Variants in THSD4 observed in about 807,000 individuals in gnomAD.
THSD4 encodes the protein thrombospondin type 1 domain containing 4, also known as thrombospondin type-1 domain-containing protein 4.
Under a neutral mutation model 119.0 loss-of-function variants are expected in THSD4, and 69 were observed. The observed-to-expected ratio is 0.58, with a 90% confidence interval of 0.48 to 0.71. The LOEUF is 0.71. Ranked by LOEUF, THSD4 falls within the 30% of genes least tolerant of loss-of-function variation. The pLI, the probability that THSD4 is intolerant of heterozygous loss-of-function variation, is 0.00. For synonymous variants in THSD4, 524 were observed against 540.4 expected (o/e 0.97, Z 0.42); for missense variants, 1,393 against 1,391.1 (o/e 1.00, Z -0.02).
intron 8 of THSD4, among the ~76,000 whole-genome samples, chr15:71,710,373 A>T (rs955924562): frequency 6.6e-6 from 1 of 152,236 alleles, no homozygotes; most frequent in Non-Finnish European, 1.5e-5. Flanking sequence ...TTATTTTCTT[A>T]CTCAGCCATC....
At chr15:71,616,930 G>A (rs1307946769) in intron 7 of THSD4, among the ~76,000 whole-genome samples, 1 of 152,198 alleles carries the variant, frequency 6.6e-6, no homozygotes, top group Admixed American at 6.5e-5. Flanking sequence ...CTGTTTTCTA[G>A]ATCAACTGCT....
intron 7 of THSD4, among the ~76,000 whole-genome samples, chr15:71,507,862 G>A (rs1054521971): frequency 2.6e-5 from 4 of 152,032 alleles, no homozygotes; most frequent in African/African-American, 9.7e-5. Flanking sequence ...AGCTCCAAGG[G>A]GTTCATTCTA....
At position 71,613,597 on chromosome 15, in the gene THSD4, A is replaced by G. The variant is rs762165680; in HGVS notation, c.1153-46933A>G. ...CCCTCTCATTTTCACAGCTTTCTAC[A>G]TCCACCCAAGCAAAACTAAACTGAC... On this transcript the variant is annotated intron_variant, in intron 7 of 17. Transcript: ENST00000261862. 1.1e-4 allele frequency among the ~76,000 whole-genome samples: 17 copies of G among 152,172 alleles called. 1 individual carries two copies. The highest frequency in any genetic ancestry group is 4.1e-4 in the South Asian group (2 of 4,820).
intron 6 of THSD4, among the ~76,000 whole-genome samples, chr15:71,314,749 G>T (rs559018430): frequency 6.6e-6 from 1 of 152,258 alleles, no homozygotes; most frequent in East Asian, 1.9e-4. Context: ...CTGTAGTGCA[G>T]GTTAGATATT....
chr15:71,180,334 G>A (rs190694259), intron 3 of THSD4, among the ~76,000 whole-genome samples: 1 of 152,118 alleles, frequency 6.6e-6, no homozygotes, highest in Admixed American at 6.5e-5. Flanking sequence ...AATGGGCAAA[G>A]GACTTGAATA....
intron 8 of THSD4, among the ~76,000 whole-genome samples, chr15:71,704,595 G>A (rs1050394377): frequency 2.6e-5 from 4 of 152,196 alleles, no homozygotes; most frequent in African/African-American, 9.7e-5. Flanking sequence ...TCTCAGGCAT[G>A]TCTTTATTAG....
Position 71,589,436 on chromosome 15 carries a change from T to TC in THSD4, c.1153-71092dup, listed in dbSNP as rs1007807058. 2.9e-5 allele frequency among the ~76,000 whole-genome samples: 4 copies of TC among 138,276 alleles called. 2 individuals are homozygous for TC. Among genetic ancestry groups the TC allele is most frequent in the African/African-American group, 1.0e-4 (4 of 39,630 alleles). 90.7% of individuals were successfully genotyped at this position (138,276 alleles called of 152,430 possible). A position where few individuals can be genotyped will look rare whatever the true frequency, so the allele number is the denominator to read the frequency against. Reference sequence around the variant, plus strand: ...AGGAGCACAATAATGGCTCACTGCATCCTTGCCCTCCTGGGTTCAAGGGAT... The same window carrying TC: ...AGGAGCACAATAATGGCTCACTGCATCCCTTGCCCTCCTGGGTTCAAGGGAT... On this transcript the variant is annotated intron_variant, in intron 7 of 17. Transcript: ENST00000261862.
intron 6 of THSD4, among the ~76,000 whole-genome samples, chr15:71,281,740 C>T (rs2044655758): frequency 6.6e-6 from 1 of 152,154 alleles, no homozygotes; most frequent in East Asian, 1.9e-4. Context: ...ATAATCTTTT[C>T]TCCATTTGAT....
chr15:71,364,500 G>A (rs1166620374), intron 6 of THSD4, among the ~76,000 whole-genome samples: 1 of 152,160 alleles, frequency 6.6e-6, no homozygotes, highest in African/African-American at 2.4e-5. Flanking sequence ...GTTCAAATGC[G>A]GAAAATGATA....
At chr15:71,344,757 G>A (rs1230093101) in intron 6 of THSD4, among the ~76,000 whole-genome samples, 1 of 152,196 alleles carries the variant, frequency 6.6e-6, no homozygotes, top group Non-Finnish European at 1.5e-5. Flanking sequence ...CATTCACAAA[G>A]ATTTCTTGTG....
At chr15:71,371,009 A>G (rs1218454718) in intron 6 of THSD4, among the ~76,000 whole-genome samples, 1 of 152,150 alleles carries the variant, frequency 6.6e-6, no homozygotes, top group Non-Finnish European at 1.5e-5. Flanking sequence ...CTTCTTGTTG[A>G]ATTGATCCCT....
At chr15:71,452,422 C>A (rs2047277881) in intron 7 of THSD4, among the ~76,000 whole-genome samples, 1 of 151,226 alleles carries the variant, frequency 6.6e-6, no homozygotes, top group South Asian at 2.1e-4. Context: ...AAAAGTTCCA[C>A]ACTGGAAACT....
At chr15:71,644,342 G>T (rs1273666427) in intron 7 of THSD4, among the ~76,000 whole-genome samples, 1 of 152,120 alleles carries the variant, frequency 6.6e-6, no homozygotes, top group African/African-American at 2.4e-5. Context: ...CTACAAATCT[G>T]TTACGAAATG....
In THSD4 at chr15:71,302,678, G is replaced by A. The variant is rs143871080; in HGVS notation, c.1015+45963G>A. On this transcript the variant is annotated intron_variant, in intron 6 of 17. Coordinates refer to ENST00000261862, the MANE Select transcript of THSD4 (RefSeq NM_024817.3). ...CATGCTCCTGCCCATGCTTAGCCCAGTGGGTGCTTCTCTTCCTGGGGCCAG... is the reference window on the plus strand; with the variant it reads ...CATGCTCCTGCCCATGCTTAGCCCAATGGGTGCTTCTCTTCCTGGGGCCAG... 5.1e-3 allele frequency among the ~76,000 whole-genome samples: 777 copies of A among 152,252 alleles called. 13 individuals are homozygous for A. The highest frequency in any genetic ancestry group is 0.017 in the African/African-American group (718 of 41,554).
At chr15:71,675,925 G>T (rs771922595) in intron 8 of THSD4, among the ~76,000 whole-genome samples, 1 of 152,118 alleles carries the variant, frequency 6.6e-6, no homozygotes, top group Admixed American at 6.5e-5. Flanking sequence ...TGAATTCCTT[G>T]CAGCCATCTT....
rs1358900430 is a variant in THSD4 at position 71,590,556 on chromosome 15, G to A, written c.1153-69974G>A. Among the ~76,000 whole-genome samples, 5 of 125,242 alleles carry A rather than the reference G, an allele frequency of 4.0e-5. 1 individual carries two copies. Among genetic ancestry groups the A allele is most frequent in the South Asian group, 2.8e-4 (1 of 3,632 alleles). The allele number at this position is 125,242 out of a possible 152,430, so 82.2% of individuals were successfully genotyped here. On this transcript the variant is annotated intron_variant, in intron 7 of 17. Transcript: ENST00000261862. ...GGGAACAACTGGGGCCTGTCAGAAC[G>A]GGTGGGTGGGGGGAGGGAGAGCATC... is the stretch of plus-strand genomic sequence containing the variant.
At chr15:71,581,082 A>C (rs1247994100) in intron 7 of THSD4, among the ~76,000 whole-genome samples, 5 of 152,110 alleles carry the variant, frequency 3.3e-5, no homozygotes, top group Non-Finnish European at 7.4e-5. Context: ...TACTCAGAAG[A>C]GGGATAGCTG....
chr15:71,492,924 C>G (rs529330015), intron 7 of THSD4, among the ~76,000 whole-genome samples: 2 of 150,156 alleles, frequency 1.3e-5, no homozygotes, highest in Non-Finnish European at 3.0e-5. Flanking sequence ...ATATAATGAA[C>G]TGTTGAAAAA....
intron 15 of THSD4, among the ~76,000 whole-genome samples, chr15:71,761,800 A>G (rs1427787931): frequency 6.6e-6 from 1 of 152,190 alleles, no homozygotes; most frequent in Non-Finnish European, 1.5e-5. Flanking sequence ...TGAGCCCTTG[A>G]ATACCTGAAA....
Sources: allele counts gnomAD v4.1 joint callset (sites outside exome capture counted in the v4.1 genomes callset), GRCh38; gene constraint gnomAD v4.1.1; transcripts MANE v1.5; gene names NCBI Gene and HGNC (gene_info 2026-07-23, HGNC 2026-07-21).